ACACB: variants seen among roughly 807,000 people sequenced by gnomAD.
ACACB encodes the protein acetyl-CoA carboxylase beta, also known as acetyl-CoA carboxylase 2.
Under a neutral mutation model 278.8 loss-of-function variants are expected in ACACB, and 209 were observed. The observed-to-expected ratio is 0.75, with a 90% CI of 0.67 to 0.84. ACACB has a LOEUF of 0.84. ACACB is among the 40% of genes least tolerant of loss of function. The pLI, the probability that ACACB is intolerant of heterozygous loss-of-function variation, is 0.00. For synonymous variants in ACACB, 1,174 were observed against 1,285.6 expected (o/e 0.91, Z 1.86); for missense variants, 2,850 against 3,269.0 (o/e 0.87, Z 3.13).
chr12:109,132,762 G>T (rs998579751), intron 1 of ACACB, among the ~76,000 whole-genome samples: 6 of 152,136 alleles, frequency 3.9e-5, no homozygotes, highest in Non-Finnish European at 7.4e-5. Context: ...TCATTATTCC[G>T]CAAAGAAAAG....
At chr12:109,140,126 C>G in intron 2 of ACACB, 68 bp downstream of exon 2, 2 of 1,464,702 alleles carry the variant, frequency 1.4e-6, no homozygotes, top group Non-Finnish European at 1.8e-6. Flanking sequence ...CCTTCCCAAC[C>G]TGTGCCCACC....
At chr12:109,133,899 AG>A (rs2135994941) in intron 1 of ACACB, among the ~76,000 whole-genome samples, 1 of 100,712 alleles carries the variant, frequency 9.9e-6, no homozygotes, top group East Asian at 2.7e-4. Context: ...TTCAGCACAC[AG>A]GTTTTTTTTT....
chr12:109,234,152 G>A (rs2046563509), intron 31 of ACACB, 107 bp downstream of exon 31: 1 of 912,378 alleles, frequency 1.1e-6, no homozygotes, highest in Non-Finnish European at 1.7e-6. Flanking sequence ...GTACTTCAGA[G>A]CCACAGACCT....
intron 2 of ACACB, among the ~76,000 whole-genome samples, chr12:109,144,099 G>T (rs2043183285): frequency 6.6e-6 from 1 of 152,134 alleles, no homozygotes. Context: ...GATTGCCTGA[G>T]CTCAGGAGTT....
At chr12:109,117,594 AC>A (rs1477952762) in intron 1 of ACACB, among the ~76,000 whole-genome samples, 1 of 151,304 alleles carries the variant, frequency 6.6e-6, no homozygotes, top group East Asian at 1.9e-4. Flanking sequence ...TTTGGTATAA[AC>A]CCCCCAGACC....
chr12:109,111,269 A>G, the ACACB span: 1 of 152,342 alleles, frequency 6.6e-6, no homozygotes, highest in Non-Finnish European at 1.5e-5. Flanking sequence ...GGGGTAACTA[A>G]CGGCCTGAGG....
At position 109,227,493 on chromosome 12, in the gene ACACB, T is replaced by C. The variant is rs1163971737; in HGVS notation, c.4001+4T>C. 5 of 1,613,124 alleles carry C rather than the reference T, an allele frequency of 3.1e-6. No homozygotes were observed. The highest frequency in any genetic ancestry group is 1.3e-5 in the African/African-American group (1 of 74,918). On this transcript the variant is annotated splice_donor_region_variant and intron_variant, in intron 28 of 52. Coordinates refer to ENST00000338432, the MANE Select transcript of ACACB (RefSeq NM_001093.4). ...TGCCGTCCTCCCACCCAAACCGGTA[T>C]GGAGTGGGACACACCCAGGGACGGC...
intron 2 of ACACB, among the ~76,000 whole-genome samples, chr12:109,166,648 T>TTAAAAA (rs2043905774): frequency 7.1e-5 from 1 of 14,050 alleles, no homozygotes; most frequent in Non-Finnish European, 2.0e-4. Context: ...AGATCCCGTC[T>TTAAAAA]CAAAAAAAAA....
rs147443159 is a variant in ACACB at position 109,245,726 on chromosome 12, A to G, written c.5279A>G (p.Asn1760Ser). ...TCTCAGGGCCAGCTGGTGGAGATGA[A>G]CCGACTTCCTGGTGGAAATGAGGTA... ...LDSQGQLVEM[N>S]RLPGGNEVGM... The change falls in exon 38 of 53, where the codon AAC (asparagine) becomes AGC (serine). Residue 1760 changes from asparagine (N) to serine (S), a missense_variant. Asn to Ser is a conservative substitution (Grantham distance 46, BLOSUM62 1). Around this residue, in one of 3 missense-constraint regions of ACACB, gnomAD observed 2,265 missense variants for 2,561.3 expected, o/e 0.88. Coordinates refer to ENST00000338432, the MANE Select transcript of ACACB (RefSeq NM_001093.4). 8.0e-4 allele frequency: 1,285 copies of G among 1,614,088 alleles called. 6 individuals carry two copies. The Middle Eastern group carries it at 0.012, about 15-fold the overall frequency.
chr12:109,176,138 G>A lies in ACACB; in HGVS notation c.1327-15G>A. The A allele has an allele frequency of 6.2e-7, 1 of 1,614,042 alleles. No homozygotes were observed. Among genetic ancestry groups the A allele is most frequent in the South Asian group, 1.1e-5 (1 of 91,086 alleles). On this transcript the variant is annotated splice_polypyrimidine_tract_variant and intron_variant, in intron 8 of 52. Coordinates refer to ENST00000338432, the MANE Select transcript of ACACB (RefSeq NM_001093.4). Reference sequence around the variant, plus strand: ...GGCTAACCTCTAAAGAGGTCTGTTTGTCCTTTGCACCCAGGCAGCAGAAAG... The same window carrying A: ...GGCTAACCTCTAAAGAGGTCTGTTTATCCTTTGCACCCAGGCAGCAGAAAG...
At chr12:109,112,711 C>T (rs1162568347), upstream of ACACB, among the ~76,000 whole-genome samples, 1 of 143,404 alleles carries the variant, frequency 7.0e-6, no homozygotes, top group Non-Finnish European at 1.5e-5. Context: ...AAAAAAAAAC[C>T]AACCAGGCAA....
rs138377871 is a variant in ACACB at position 109,247,934 on chromosome 12, T to C, written c.5669+231T>C. 2.0e-3 allele frequency among the ~76,000 whole-genome samples: 311 copies of C among 152,370 alleles called. 3 individuals are homozygous for C. The highest frequency in any genetic ancestry group is 7.0e-3 in the African/African-American group (293 of 41,590). On this transcript the variant is annotated intron_variant, in intron 40 of 52. Transcript: ENST00000338432. ...CTTTCACAAAAAATAGCACGTCATG[T>C]AGGGAGAATGAGATTGGATTCTCGT... is the stretch of plus-strand genomic sequence containing the variant.
At chr12:109,206,428 C>CAAAAAAAAAGAAAAAAAA (rs2045512781) in intron 19 of ACACB, among the ~76,000 whole-genome samples, 1 of 89,758 alleles carries the variant, frequency 1.1e-5, no homozygotes, top group Non-Finnish European at 2.1e-5. Flanking sequence ...GCGAGTGTCT[C>CAAAAAAAAAGAAAAAAAA]AAAAAAAAAA....
intron 20 of ACACB, among the ~76,000 whole-genome samples, chr12:109,208,644 C>T (rs1409383528): frequency 6.6e-6 from 1 of 152,170 alleles, no homozygotes; most frequent in African/African-American, 2.4e-5. Context: ...CTGAGACACC[C>T]CGGAAACAGC....
At chr12:109,221,631 G>A (rs1489387659) in intron 24 of ACACB, among the ~76,000 whole-genome samples, 7 of 152,182 alleles carry the variant, frequency 4.6e-5, no homozygotes, top group African/African-American at 1.7e-4. Context: ...GCAGCAATGT[G>A]TAGGGGAAGG....
intron 2 of ACACB, among the ~76,000 whole-genome samples, chr12:109,156,076 C>A (rs2043523782): frequency 6.6e-6 from 1 of 152,148 alleles, no homozygotes; most frequent in Non-Finnish European, 1.5e-5. Flanking sequence ...ATGAATAATC[C>A]TCGCCAGGCA....
intron 47 of ACACB, chr12:109,259,984 A>T (rs1310313981): frequency 3.6e-5 from 39 of 1,070,538 alleles, no homozygotes; most frequent in Non-Finnish European, 7.8e-6. Context: ...CAGAGGGCCG[A>T]GGTAAGAGTC....
chr12:109,174,798 A>T (rs111789704), intron 7 of ACACB, among the ~76,000 whole-genome samples: 24 of 152,118 alleles, frequency 1.6e-4, no homozygotes, highest in African/African-American at 5.1e-4. Context: ...TGAGCCTAGG[A>T]GGTCGAGGTT....
intron 19 of ACACB, 43 bp downstream of exon 19, chr12:109,201,744 C>T: frequency 6.2e-7 from 1 of 1,601,906 alleles, no homozygotes; most frequent in African/African-American, 1.3e-5. Flanking sequence ...GGTGCAGGTG[C>T]ACTCGTGACC....
Sources: gnomAD v4.1 joint callset for allele counts (sites outside exome capture counted in the v4.1 genomes callset) on GRCh38, gnomAD v4.1.1 for gene constraint, gnomAD v4.1.1 regional missense constraint, MANE v1.5 for transcripts, NCBI Gene and HGNC (gene_info 2026-07-23, HGNC 2026-07-21) for gene names.